ARHGEF28: variants seen among roughly 807,000 people sequenced by gnomAD.
ARHGEF28 encodes the protein Rho guanine nucleotide exchange factor 28, also known as 190 kDa guanine nucleotide exchange factor.
ARHGEF28 carries 152 observed loss-of-function variants against 206.6 expected under a neutral mutation model. The ratio of observed to expected loss-of-function variants is 0.74; its 90% CI spans 0.64 to 0.84. The LOEUF is 0.84. Ranked by LOEUF, ARHGEF28 falls within the 40% of genes least tolerant of loss-of-function variation. The pLI is 0.00. For synonymous variants in ARHGEF28, 763 were observed against 776.4 expected (o/e 0.98, Z 0.29); for missense variants, 2,028 against 2,073.2 (o/e 0.98, Z 0.42).
chr5:73,647,258 A>G (rs1744491676), intron 1 of ARHGEF28, among the ~76,000 whole-genome samples: 1 of 152,220 alleles, frequency 6.6e-6, no homozygotes, highest in Admixed American at 6.5e-5. Flanking sequence ...TGCATATAAG[A>G]CATATGTGAA....
At chr5:73,806,367 A>C (rs1310947569) in intron 9 of ARHGEF28, among the ~76,000 whole-genome samples, 1 of 59,258 alleles carries the variant, frequency 1.7e-5, no homozygotes, top group Admixed American at 2.4e-4. Flanking sequence ...ATCTATCTAT[A>C]TATACTATAT....
intron 4 of ARHGEF28, among the ~76,000 whole-genome samples, chr5:73,763,832 T>A (rs1472464639): frequency 2.0e-5 from 3 of 152,186 alleles, no homozygotes; most frequent in Non-Finnish European, 2.9e-5. Context: ...GCCCAAAGCA[T>A]GGGATTACAG....
At chr5:73,674,302 T>C (rs1746521882) in intron 1 of ARHGEF28, among the ~76,000 whole-genome samples, 1 of 152,252 alleles carries the variant, frequency 6.6e-6, no homozygotes, top group South Asian at 2.1e-4. Flanking sequence ...TTCAGACCAG[T>C]TGTATGTTAC....
intron 9 of ARHGEF28, among the ~76,000 whole-genome samples, chr5:73,799,633 A>C (rs1025151014): frequency 2.0e-5 from 3 of 152,262 alleles, no homozygotes; most frequent in African/African-American, 7.2e-5. Context: ...TATATCACTC[A>C]TGGTCTGCAT....
intron 1 of ARHGEF28, among the ~76,000 whole-genome samples, chr5:73,682,421 T>TC (rs1157295811): frequency 2.0e-5 from 3 of 150,804 alleles, no homozygotes; most frequent in African/African-American, 7.3e-5. Context: ...ATTCATTCTT[T>TC]TTTTTTTTTT....
chr5:73,857,454 C>T (rs1358153387), intron 14 of ARHGEF28, among the ~76,000 whole-genome samples: 2 of 152,018 alleles, frequency 1.3e-5, no homozygotes, highest in African/African-American at 2.4e-5. Context: ...GATTGTTGCT[C>T]TAATCACATG....
At chr5:73,914,953 C>T (rs553884879) in intron 35 of ARHGEF28, among the ~76,000 whole-genome samples, 26 of 152,150 alleles carry the variant, frequency 1.7e-4, no homozygotes, top group Non-Finnish European at 2.9e-4. Flanking sequence ...ATTGCCCAGG[C>T]GGGTCTTGAA....
chr5:73,796,474 G>C (rs1373198370), intron 9 of ARHGEF28, among the ~76,000 whole-genome samples: 1 of 152,240 alleles, frequency 6.6e-6, no homozygotes, highest in East Asian at 1.9e-4. Context: ...GCCTACACGT[G>C]CATGGGGCTC....
chr5:73,742,323 G>C (rs1345604746), intron 2 of ARHGEF28, among the ~76,000 whole-genome samples: 1 of 151,876 alleles, frequency 6.6e-6, no homozygotes, highest in Non-Finnish European at 1.5e-5. Context: ...TGATATAGTT[G>C]GATGTATATC....
At chr5:73,939,642 A>G (rs1742469854) in intron 35 of ARHGEF28, among the ~76,000 whole-genome samples, 2 of 152,178 alleles carry the variant, frequency 1.3e-5, no homozygotes, top group African/African-American at 4.8e-5. Flanking sequence ...ATGGGATGAA[A>G]TGAGGTGTGG....
chr5:73,632,643 GTCT>G (rs1743441736), intron 1 of ARHGEF28, among the ~76,000 whole-genome samples: 2 of 152,260 alleles, frequency 1.3e-5, no homozygotes, highest in South Asian at 4.1e-4. Context: ...CTACCTTCAA[GTCT>G]TCTTTTATTG....
chr5:73,937,038 C>T (rs1407167513), intron 35 of ARHGEF28, among the ~76,000 whole-genome samples: 1 of 152,138 alleles, frequency 6.6e-6, no homozygotes, highest in East Asian at 1.9e-4. Context: ...ATTGGGTAAA[C>T]AGAGAAAAGT....
At chr5:73,651,106 A>G (rs1219898781) in intron 1 of ARHGEF28, among the ~76,000 whole-genome samples, 1 of 152,228 alleles carries the variant, frequency 6.6e-6, no homozygotes, top group African/African-American at 2.4e-5. Flanking sequence ...GTGAGAACTC[A>G]GCTCTGACCT....
chr5:73,729,527 C>T (rs1254474178), intron 2 of ARHGEF28, among the ~76,000 whole-genome samples: 1 of 152,152 alleles, frequency 6.6e-6, no homozygotes, highest in Non-Finnish European at 1.5e-5. Flanking sequence ...GAACAATTCT[C>T]ATTCTTTAGA....
At chr5:73,934,504 T>G (rs1306698857) in intron 35 of ARHGEF28, among the ~76,000 whole-genome samples, 2 of 152,240 alleles carry the variant, frequency 1.3e-5, no homozygotes, top group African/African-American at 2.4e-5. Flanking sequence ...AGATGTTACA[T>G]GCAGAATTTA....
intron 9 of ARHGEF28, among the ~76,000 whole-genome samples, chr5:73,812,008 T>G (rs1038163633): frequency 4.1e-5 from 6 of 146,522 alleles, no homozygotes; most frequent in Non-Finnish European, 7.5e-5. Flanking sequence ...AGCCACAAAA[T>G]AGAAAATGTA....
At chr5:73,641,696 A>C (rs1255658343) in intron 1 of ARHGEF28, among the ~76,000 whole-genome samples, 1 of 152,230 alleles carries the variant, frequency 6.6e-6, no homozygotes, top group Non-Finnish European at 1.5e-5. Context: ...ATATTTGCGC[A>C]GTTGTATAAA....
chr5:73,650,841 G>C (rs1277221437), intron 1 of ARHGEF28, among the ~76,000 whole-genome samples: 1 of 151,924 alleles, frequency 6.6e-6, no homozygotes, highest in Non-Finnish European at 1.5e-5. Context: ...GTAGAGACAG[G>C]GTTTTGTCAT....
rs149340948 is a variant in ARHGEF28 at position 73,712,580 on chromosome 5, T to A, written c.33+27696T>A. On this transcript the variant is annotated intron_variant, in intron 2 of 35. Coordinates refer to ENST00000513042, the MANE Select transcript of ARHGEF28 (RefSeq NM_001177693.2). ...TTCTGCAAAGGGTAGTGTTTAAAAA[T>A]TCCAGAAAACTGAGACCCAATTTGC... Among the ~76,000 whole-genome samples, 13 of 152,324 alleles carry A rather than the reference T, an allele frequency of 8.5e-5. No homozygotes were observed. The East Asian group carries it at 2.5e-3, about 29-fold the overall frequency.
Sources: allele counts gnomAD v4.1 joint callset (sites outside exome capture counted in the v4.1 genomes callset), GRCh38; gene constraint gnomAD v4.1.1; transcripts MANE v1.5; gene names NCBI Gene and HGNC (gene_info 2026-07-23, HGNC 2026-07-21).